Variants in CFAP74 observed in about 807,000 individuals in gnomAD.
CFAP74 encodes cilia- and flagella-associated protein 74.
CFAP74 carries 124 observed loss-of-function variants against 188.9 expected under a neutral mutation model. That is an observed-to-expected ratio of 0.66 (90% confidence interval 0.57 to 0.76). CFAP74 has a LOEUF of 0.76. Among genes scored for constraint, CFAP74 ranks in the 30% least tolerant of loss-of-function variants. The pLI is 0.00. For missense variants in CFAP74, 2,198 were observed against 2,165.2 expected (o/e 1.02, Z -0.30); for synonymous variants, 956 against 916.7 (o/e 1.04, Z -0.77).
At chr1:1,948,934 T>C (rs1336430251) in intron 18 of CFAP74, among the ~76,000 whole-genome samples, 7 of 40,826 alleles carry the variant, frequency 1.7e-4, no homozygotes, top group Admixed American at 3.6e-4. Flanking sequence ...CCTTCCTCTT[T>C]CCTCCCTTCC....
At chr1:1,937,557 C>CA (rs1361553654) in intron 25 of CFAP74, among the ~76,000 whole-genome samples, 1 of 152,078 alleles carries the variant, frequency 6.6e-6, no homozygotes, top group African/African-American at 2.4e-5. Flanking sequence ...GAAGCCTCTG[C>CA]AAAAAAATGA....
chr1:1,964,659 A>T (rs774839864), intron 13 of CFAP74, among the ~76,000 whole-genome samples: 14 of 152,158 alleles, frequency 9.2e-5, no homozygotes, highest in Non-Finnish European at 1.6e-4. Context: ...GCGTGGTGGC[A>T]GGCGCCTGTA....
rs541391519 is a variant in CFAP74, at chr1:1,994,531, A to C, written c.-19-3556T>G. ...ATTTTAAGGCATCTTGTAAAATTCC[A>C]ACAATATTTTTTCCACTTGAAAGAA... On this transcript the variant is annotated intron_variant, in intron 1 of 38. Coordinates refer to ENST00000682832, the MANE Select transcript of CFAP74 (RefSeq NM_001304360.2). 2.7e-3 allele frequency among the ~76,000 whole-genome samples: 410 copies of C among 152,342 alleles called. 6 individuals are homozygous for C. Among genetic ancestry groups the C allele is most frequent in the African/African-American group, 9.5e-3 (395 of 41,564 alleles).
At chr1:1,993,943 C>T (rs1284597717) in intron 1 of CFAP74, among the ~76,000 whole-genome samples, 1 of 151,016 alleles carries the variant, frequency 6.6e-6, no homozygotes, top group East Asian at 1.9e-4. Context: ...GATCACACCA[C>T]TGCACTCCAG....
Position 1,968,015 on chromosome 1 carries a change from AATG to A in CFAP74, c.1245+617_1245+619del. Among the ~76,000 whole-genome samples the A allele has an allele frequency of 1.1e-5, 1 of 92,412 alleles. No individual in the cohort carries two copies. Among genetic ancestry groups the A allele is most frequent in the Non-Finnish European group, 2.6e-5 (1 of 38,514 alleles). 60.6% of individuals were successfully genotyped at this position (92,412 alleles called of 152,430 possible). ...GAGTGAATGAGTGAGCGAATGAGTGAATGAATGAGTGAATGAGTGAATGAATAA... is the reference window on the plus strand; with the variant it reads ...GAGTGAATGAGTGAGCGAATGAGTGAAATGAGTGAATGAGTGAATGAATAA... On this transcript the variant is annotated intron_variant, in intron 11 of 38. Coordinates refer to ENST00000682832, the MANE Select transcript of CFAP74 (RefSeq NM_001304360.2). This position sits in a 1 kb window ranked among gnomAD's most constrained non-coding sequence, Gnocchi z 4.3.
In CFAP74 at chr1:1,924,346, C is replaced by T. The variant is rs1193694676; in HGVS notation, c.4234+45G>A. On this transcript the variant is annotated intron_variant, in intron 34 of 38. Coordinates refer to ENST00000682832, the MANE Select transcript of CFAP74 (RefSeq NM_001304360.2). ...GCCACTGCCTACTCCCCCAGCTCAC[C>T]GCCCACCCCCGCAGCTCACCACCCA... is the stretch of plus-strand genomic sequence containing the variant. 12 of 695,368 alleles carry T rather than the reference C, an allele frequency of 1.7e-5. No individual in the cohort carries two copies. In the South Asian group the frequency reaches 1.8e-4, roughly 10 times the overall value. The allele number at this position is 695,368 out of a possible 1,614,324, so 43.1% of individuals were successfully genotyped here. A position where few individuals can be genotyped will look rare whatever the true frequency, so the allele number is the denominator to read the frequency against.
chr1:1,932,896 T>G (rs926081684), intron 25 of CFAP74, among the ~76,000 whole-genome samples: 1 of 150,248 alleles, frequency 6.7e-6, no homozygotes, highest in Non-Finnish European at 1.5e-5. Context: ...CCGACCTTTT[T>G]TTTTTTTGAG....
At chr1:1,962,327 T>A (rs1380208479) in intron 14 of CFAP74, among the ~76,000 whole-genome samples, 1 of 151,432 alleles carries the variant, frequency 6.6e-6, no homozygotes, top group Non-Finnish European at 1.5e-5. Flanking sequence ...ATACAAAAAA[T>A]TAACCGGACG....
intron 33 of CFAP74, among the ~76,000 whole-genome samples, chr1:1,925,074 G>GAA (rs1651757820): frequency 6.7e-6 from 1 of 149,538 alleles, no homozygotes; most frequent in African/African-American, 2.5e-5. Context: ...ACACTGGTGC[G>GAA]GAGGCATGAG....
At chr1:1,925,110 G>A (rs1053838846) in intron 33 of CFAP74, among the ~76,000 whole-genome samples, 19 of 151,606 alleles carry the variant, frequency 1.3e-4, no homozygotes, top group Admixed American at 9.2e-4. Flanking sequence ...GAAGGCATGA[G>A]GGCACACGCT....
intron 25 of CFAP74, among the ~76,000 whole-genome samples, chr1:1,932,066 CAA>C (rs1214190743): frequency 8.1e-5 from 4 of 49,420 alleles, no homozygotes; most frequent in African/African-American, 9.0e-5. Flanking sequence ...ACTCTCGCCT[CAA>C]AAAAAAAAAA....
chr1:1,924,152 AGC>A (rs1651633049), intron 34 of CFAP74, among the ~76,000 whole-genome samples: 1 of 39,090 alleles, frequency 2.6e-5, no homozygotes, highest in Admixed American at 3.4e-4. Flanking sequence ...CCACCCCCCC[AGC>A]TCACCGCCCA....
intron 11 of CFAP74, 67 bp from the exon 12 acceptor site, chr1:1,966,593 C>T: frequency 3.7e-6 from 5 of 1,357,694 alleles, no homozygotes; most frequent in Non-Finnish European, 2.9e-6. Flanking sequence ...AGAAACTCGG[C>T]CCAGCCCCCG....
chr1:1,993,132 C>T (rs568772446), intron 1 of CFAP74, among the ~76,000 whole-genome samples: 9 of 134,232 alleles, frequency 6.7e-5, no homozygotes, highest in South Asian at 2.6e-4. Flanking sequence ...GCCCAGGAGG[C>T]GGAGGTTGCA....
At chr1:1,980,078 G>A (rs1656735123) in intron 6 of CFAP74, among the ~76,000 whole-genome samples, 1 of 139,734 alleles carries the variant, frequency 7.2e-6, no homozygotes, top group African/African-American at 2.6e-5. Context: ...CGCGTGGGGA[G>A]GACGGGTGAA....
chr1:1,931,984 T>C (rs1652421057), intron 25 of CFAP74, among the ~76,000 whole-genome samples: 1 of 144,960 alleles, frequency 6.9e-6, no homozygotes, highest in African/African-American at 2.6e-5. Flanking sequence ...GAGAATTGCT[T>C]GAACCTAGGA....
Position 1,974,023 on chromosome 1 carries a change from A to G in CFAP74, c.674+2T>C. 6.4e-7 allele frequency: 1 copy of G among 1,561,226 alleles called. No homozygotes were observed. The highest frequency in any genetic ancestry group is 1.2e-5 in the South Asian group (1 of 86,000). On this transcript the variant is annotated splice_donor_variant, in intron 7 of 38. Transcript: ENST00000682832. LOFTEE classifies it high-confidence loss of function. ...ATGGAGGTGGGCCTGGGTGTCGCCT[A>G]CCTGATCCTCAGCAGTCGGTTCCGC...
intron 24 of CFAP74, 60 bp from the exon 25 acceptor site, chr1:1,939,048 G>A (rs1653161770): frequency 6.0e-6 from 9 of 1,496,870 alleles, no homozygotes; most frequent in African/African-American, 2.8e-5. Flanking sequence ...ACACACGTGC[G>A]GCAGGGCCGT....
At chr1:1,980,720 G>A (rs938035043) in intron 6 of CFAP74, among the ~76,000 whole-genome samples, 2 of 152,338 alleles carry the variant, frequency 1.3e-5, no homozygotes, top group East Asian at 1.9e-4. Flanking sequence ...GCAGCATCCC[G>A]TCTCCAAGAT....
Sources: gnomAD v4.1 joint callset for allele counts (sites outside exome capture counted in the v4.1 genomes callset) on GRCh38, gnomAD v4.1.1 for gene constraint, Gnocchi (gnomAD v3.1) non-coding constraint, MANE v1.5 for transcripts, NCBI Gene and HGNC (gene_info 2026-07-23, HGNC 2026-07-21) for gene names.